RALYL: variants seen among roughly 807,000 people sequenced by gnomAD.
RALYL encodes the protein RALY RNA binding protein like, also known as RNA-binding Raly-like protein.
Under a neutral mutation model 35.1 loss-of-function variants are expected in RALYL, and 29 were observed. The ratio of observed to expected loss-of-function variants is 0.83; its 90% CI spans 0.61 to 1.13. RALYL has a LOEUF of 1.13. Among genes scored for constraint, RALYL ranks in the 50% most tolerant of loss-of-function variants. The pLI is 0.00. For missense variants in RALYL, 359 were observed against 360.4 expected, an observed-to-expected ratio of 1.00 and a Z score of 0.03; for synonymous variants, 120 against 127.6, an observed-to-expected ratio of 0.94 and a Z score of 0.40.
chr8:84,831,181 AT>A (rs552891095), intron 4 of RALYL, among the ~76,000 whole-genome samples: 265 of 152,280 alleles, frequency 1.7e-3, no homozygotes, highest in Non-Finnish European at 3.2e-3. Context: ...TATATAATTC[AT>A]TGATTTTTCT....
chr8:84,501,802 G>T (rs1169773577), intron 1 of RALYL, among the ~76,000 whole-genome samples: 1 of 150,144 alleles, frequency 6.7e-6, no homozygotes, highest in East Asian at 1.9e-4. Flanking sequence ...GCCAGGATTA[G>T]GACCTATATT....
chr8:84,880,907 A>G (rs1235958356), intron 7 of RALYL, among the ~76,000 whole-genome samples: 1 of 151,994 alleles, frequency 6.6e-6, no homozygotes, highest in African/African-American at 2.4e-5. Flanking sequence ...ACATCCCACT[A>G]GAGACCTAGT....
intron 2 of RALYL, among the ~76,000 whole-genome samples, chr8:84,636,533 A>G (rs1251950070): frequency 1.3e-5 from 2 of 151,822 alleles, no homozygotes; most frequent in African/African-American, 2.4e-5. Flanking sequence ...AGTGATCTGT[A>G]TTAGGACAAT....
chr8:84,328,177 C>A (rs1244452083), intron 1 of RALYL, among the ~76,000 whole-genome samples: 2 of 152,148 alleles, frequency 1.3e-5, no homozygotes, highest in Admixed American at 6.6e-5. Flanking sequence ...CTACAGTACA[C>A]AAGTCTGGGC....
At chr8:84,809,614 A>C in intron 4 of RALYL, among the ~76,000 whole-genome samples, 1 of 151,954 alleles carries the variant, frequency 6.6e-6, no homozygotes, top group East Asian at 1.9e-4. Context: ...CTGGTCCTGG[A>C]CATTTTTTTG....
intron 1 of RALYL, among the ~76,000 whole-genome samples, chr8:84,496,745 C>T (rs932444773): frequency 5.3e-5 from 8 of 151,930 alleles, no homozygotes; most frequent in Non-Finnish European, 1.0e-4. Flanking sequence ...TTATGTAATC[C>T]AACCCTCACA....
At chr8:84,277,252 G>T (rs981410723) in intron 1 of RALYL, among the ~76,000 whole-genome samples, 16 of 152,176 alleles carry the variant, frequency 1.1e-4, no homozygotes, top group African/African-American at 3.6e-4. Context: ...GCACATTGTG[G>T]CAGGCAACAG....
At chr8:84,266,413 A>G (rs569162588) in intron 1 of RALYL, among the ~76,000 whole-genome samples, 5 of 152,364 alleles carry the variant, frequency 3.3e-5, no homozygotes, top group African/African-American at 9.6e-5. Flanking sequence ...GAATGAGACC[A>G]ATGAAATCAT....
chr8:84,837,250 G>A (rs866825699), intron 4 of RALYL, among the ~76,000 whole-genome samples: 3 of 152,148 alleles, frequency 2.0e-5, no homozygotes, highest in East Asian at 1.9e-4. Context: ...ATGTTTTACT[G>A]ATAATGTTAT....
intron 2 of RALYL, among the ~76,000 whole-genome samples, chr8:84,715,445 T>C (rs1046976300): frequency 1.3e-5 from 2 of 151,968 alleles, no homozygotes; most frequent in Non-Finnish European, 2.9e-5. Flanking sequence ...AGCAACCTTA[T>C]ATATCTCCTA....
At chr8:84,553,930 C>A (rs75849476) in intron 2 of RALYL, among the ~76,000 whole-genome samples, 2,736 of 152,266 alleles carry the variant, frequency 0.018, 49 homozygotes, top group Middle Eastern at 0.037. Flanking sequence ...TAAGATGAAT[C>A]ATCTTTCCAT....
At chr8:84,423,472 C>T (rs1386837478) in intron 1 of RALYL, among the ~76,000 whole-genome samples, 1 of 152,036 alleles carries the variant, frequency 6.6e-6, no homozygotes, top group Non-Finnish European at 1.5e-5. Context: ...TTCCTGAATA[C>T]AGCACACTGA....
intron 1 of RALYL, among the ~76,000 whole-genome samples, chr8:84,404,297 T>C (rs978355583): frequency 6.6e-5 from 10 of 152,112 alleles, no homozygotes; most frequent in Non-Finnish European, 1.2e-4. Flanking sequence ...AGTATGATAT[T>C]GGCTGTGGGT....
At chr8:84,803,939 T>G (rs564887461) in intron 3 of RALYL, among the ~76,000 whole-genome samples, 1 of 152,336 alleles carries the variant, frequency 6.6e-6, no homozygotes, top group Admixed American at 6.5e-5. Flanking sequence ...CACCCTTAAT[T>G]GTATCTTAAG....
At chr8:84,407,827 G>A (rs2043697145) in intron 1 of RALYL, among the ~76,000 whole-genome samples, 2 of 151,952 alleles carry the variant, frequency 1.3e-5, no homozygotes, top group Non-Finnish European at 2.9e-5. Flanking sequence ...TATGAAACAG[G>A]CTTAGCATCA....
intron 1 of RALYL, among the ~76,000 whole-genome samples, chr8:84,218,918 A>G (rs1012306957): frequency 1.3e-5 from 2 of 152,040 alleles, no homozygotes; most frequent in African/African-American, 4.8e-5. Context: ...CACAATGCCA[A>G]ATTAAGTTTT....
chr8:84,490,840 A>G (rs1174245489), intron 1 of RALYL, among the ~76,000 whole-genome samples: 1 of 151,792 alleles, frequency 6.6e-6, no homozygotes, highest in African/African-American at 2.4e-5. Flanking sequence ...CATCTAGACT[A>G]TTGGTAGAAG....
intron 1 of RALYL, among the ~76,000 whole-genome samples, chr8:84,453,150 A>G (rs186043899): frequency 1.7e-3 from 252 of 152,128 alleles, no homozygotes; most frequent in African/African-American, 6.0e-3. Context: ...ACACATGTGT[A>G]TATGTCCATA....
chr8:84,375,199 A>G (rs980177567), intron 1 of RALYL, among the ~76,000 whole-genome samples: 2 of 151,862 alleles, frequency 1.3e-5, no homozygotes, highest in Admixed American at 1.3e-4. Context: ...CATCACTTAT[A>G]TATTTAGGTT....
Sources: allele counts gnomAD v4.1 joint callset (sites outside exome capture counted in the v4.1 genomes callset), GRCh38; gene constraint gnomAD v4.1.1; transcripts MANE v1.5; gene names NCBI Gene and HGNC (gene_info 2026-07-23, HGNC 2026-07-21).